Variants in NR1D2 observed in about 807,000 individuals in gnomAD.
NR1D2 encodes the protein V-erbA-related protein 1-related.
NR1D2 carries 25 observed loss-of-function variants against 52.2 expected under a neutral mutation model. The ratio of observed to expected loss-of-function variants is 0.48; its 90% confidence interval spans 0.35 to 0.67. The LOEUF (loss-of-function observed/expected upper bound fraction) is 0.67. NR1D2 is among the 30% of genes least tolerant of loss of function. NR1D2 has a pLI of 0.01. For missense variants in NR1D2, 681 were observed against 707.2 expected (o/e 0.96, Z 0.42); for synonymous variants, 259 against 230.1 (o/e 1.13, Z -1.14).
chr3:23,977,422 C>G lies in NR1D2; in HGVS notation c.*3C>G, dbSNP rs370800749. ...TGGCCTTTAAAGTTCACCCTTAAGG[C>G]CTTTGTTTATTTAAACATGAACTGA... On this transcript the variant is annotated 3_prime_UTR_variant, in exon 8 of 8. Transcript: ENST00000312521. 1 of 1,570,782 alleles carries G rather than the reference C, an allele frequency of 6.4e-7. No individual in the cohort carries two copies. Among genetic ancestry groups the G allele is most frequent in the Non-Finnish European group, 8.6e-7 (1 of 1,160,652 alleles).
At chr3:23,964,368 C>T (rs1340664009) in intron 5 of NR1D2, among the ~76,000 whole-genome samples, 1 of 152,174 alleles carries the variant, frequency 6.6e-6, no homozygotes, top group Non-Finnish European at 1.5e-5. Flanking sequence ...TGAGCCACTG[C>T]GCCCGGCCAG....
At chr3:23,946,177 G>C in intron 1 of NR1D2, 1 of 985,352 alleles carries the variant, frequency 1.0e-6, no homozygotes, top group Middle Eastern at 5.2e-4. Flanking sequence ...CGCGCCCGCT[G>C]AGCCCCCGCG....
At chr3:23,970,715 A>T (rs977888150) in intron 7 of NR1D2, among the ~76,000 whole-genome samples, 24 of 152,306 alleles carry the variant, frequency 1.6e-4, no homozygotes, top group Admixed American at 1.2e-3. Flanking sequence ...ATGAAGTTTC[A>T]TGTCAAATTT....
intron 5 of NR1D2, chr3:23,963,441 T>C: frequency 8.6e-7 from 1 of 1,169,530 alleles, no homozygotes; most frequent in Non-Finnish European, 1.1e-6. Context: ...TATGTTAGGC[T>C]AAGTCGTTGC....
intron 2 of NR1D2, among the ~76,000 whole-genome samples, chr3:23,955,369 G>T (rs1706053917): frequency 6.6e-6 from 1 of 152,224 alleles, no homozygotes; most frequent in Non-Finnish European, 1.5e-5. Context: ...AGTTCTGGTT[G>T]CATATCTGGT....
At chr3:23,959,245 C>T (rs1449323648) in intron 3 of NR1D2, among the ~76,000 whole-genome samples, 1 of 134,046 alleles carries the variant, frequency 7.5e-6, no homozygotes, top group Non-Finnish European at 1.6e-5. Flanking sequence ...GCCTGGGCAA[C>T]AGAACGAGAT....
rs1350372812 is a variant in NR1D2 at position 23,945,473 on chromosome 3, G to T, written c.-106G>T. 5 of 645,994 alleles carry T rather than the reference G, an allele frequency of 7.7e-6. No individual in the cohort carries two copies. The South Asian group carries it at 2.1e-4, about 27-fold the overall frequency. The allele number at this position is 645,994 out of a possible 1,614,324, so 40.0% of individuals were successfully genotyped here. A position where few individuals can be genotyped will look rare whatever the true frequency, so the allele number is the denominator to read the frequency against. ...CGCTCTGCCCATGAGGGGGCCCCGC[G>T]ACCACCGCTGCTTCCAGCCCGGGGC... On this transcript the variant is annotated 5_prime_UTR_variant, in exon 1 of 8. Coordinates refer to ENST00000312521, the MANE Select transcript of NR1D2 (RefSeq NM_005126.5).
intron 1 of NR1D2, among the ~76,000 whole-genome samples, chr3:23,951,774 C>T (rs1448295399): frequency 7.2e-6 from 1 of 138,516 alleles, no homozygotes; most frequent in East Asian, 1.9e-4. Flanking sequence ...TTGCACATTC[C>T]TGAGGATGTG....
At chr3:23,949,829 G>A (rs1302573728) in intron 1 of NR1D2, among the ~76,000 whole-genome samples, 1 of 152,040 alleles carries the variant, frequency 6.6e-6, no homozygotes, top group African/African-American at 2.4e-5. Context: ...ATGGTGGACA[G>A]AGGAAGTGTG....
intron 2 of NR1D2, 109 bp from the exon 3 acceptor site, chr3:23,955,928 G>A (rs1186388468): frequency 4.4e-6 from 3 of 674,906 alleles, no homozygotes; most frequent in East Asian, 2.5e-5. Context: ...AAGTAGATGT[G>A]TATCTTCTAA....
At chr3:23,947,165 C>A (rs542804719) in intron 1 of NR1D2, among the ~76,000 whole-genome samples, 1 of 152,120 alleles carries the variant, frequency 6.6e-6, no homozygotes, top group Admixed American at 6.5e-5. Context: ...TGTTAGAATT[C>A]AGAGGTGATC....
chr3:23,947,355 A>G (rs1201424631), intron 1 of NR1D2, among the ~76,000 whole-genome samples: 1 of 152,140 alleles, frequency 6.6e-6, no homozygotes, highest in African/African-American at 2.4e-5. Context: ...ATGAATGTTG[A>G]CCATCCCCTT....
intron 6 of NR1D2, among the ~76,000 whole-genome samples, chr3:23,965,483 A>C (rs570545668): frequency 6.6e-6 from 1 of 151,518 alleles, no homozygotes; most frequent in East Asian, 1.9e-4. Flanking sequence ...CTGAGCTCAA[A>C]GCGATCTGCC....
At chr3:23,965,225 T>A (rs1706407212) in intron 6 of NR1D2, 63 bp downstream of exon 6, 1 of 1,082,336 alleles carries the variant, frequency 9.2e-7, no homozygotes, top group African/African-American at 1.6e-5. Flanking sequence ...TTTTCATGGA[T>A]GTTTTAATTC....
At chr3:23,962,654 A>G in intron 5 of NR1D2, 49 bp downstream of exon 5, 1 of 1,516,948 alleles carries the variant, frequency 6.6e-7, no homozygotes, top group Non-Finnish European at 8.8e-7. Flanking sequence ...GAAAGCTTTG[A>G]AAATTTTCTT....
In NR1D2 at chr3:23,964,285, G is replaced by T. The variant is rs188706983; in HGVS notation, c.1147-692G>T. Among the ~76,000 whole-genome samples, 280 of 152,054 alleles carry T rather than the reference G, an allele frequency of 1.8e-3. 2 individuals carry two copies. The highest frequency in any genetic ancestry group is 0.013 in the Admixed American group (199 of 15,256). The stretch of plus-strand genomic sequence containing the variant: ...GTAGAGACAGGGTTTCACCATGTTG[G>T]CCAGGCTAGTCTCGAACTCCTGACC... On this transcript the variant is annotated intron_variant, in intron 5 of 7. Transcript: ENST00000312521.
intron 2 of NR1D2, 47 bp from the exon 3 acceptor site, chr3:23,955,990 C>CT (rs777974356): frequency 3.5e-5 from 46 of 1,322,676 alleles, no homozygotes; most frequent in Non-Finnish European, 4.9e-5. Flanking sequence ...AGAAAACAGA[C>CT]TCGGTGTTTC....
At chr3:23,964,700 A>C (rs1706391922) in intron 5 of NR1D2, 1 of 275,536 alleles carries the variant, frequency 3.6e-6, no homozygotes, top group African/African-American at 2.2e-5. Flanking sequence ...TAAACTCTTA[A>C]ACCTGTGCAA....
At position 23,979,759 on chromosome 3, in the gene NR1D2, G is replaced by A. The variant is rs1706828884; in HGVS notation, c.*2340G>A. On this transcript the variant is annotated 3_prime_UTR_variant, in exon 8 of 8. Transcript: ENST00000312521. Reference sequence around the variant, plus strand: ...CCTATTACAAGCACATTCTTTGATTGAGTCATTGGTTATAAACTTACTAAA... The same window carrying A: ...CCTATTACAAGCACATTCTTTGATTAAGTCATTGGTTATAAACTTACTAAA... 1 of 152,056 alleles carries A rather than the reference G, an allele frequency of 6.6e-6. No individual in the cohort carries two copies. Among genetic ancestry groups the A allele is most frequent in the Non-Finnish European group, 1.5e-5 (1 of 67,958 alleles). 9.4% of individuals were successfully genotyped at this position (152,056 alleles called of 1,614,324 possible).
Sources: gnomAD v4.1 joint callset for allele counts (sites outside exome capture counted in the v4.1 genomes callset) on GRCh38, gnomAD v4.1.1 for gene constraint, MANE v1.5 for transcripts, NCBI Gene and HGNC (gene_info 2026-07-23, HGNC 2026-07-21) for gene names.